Variants in VWA5A observed in about 807,000 individuals in gnomAD.
VWA5A encodes the protein von Willebrand factor A domain-containing protein 5A.
Under a neutral mutation model 84.6 loss-of-function variants are expected in VWA5A, and 77 were observed. The ratio of observed to expected loss-of-function variants is 0.91; its 90% CI spans 0.76 to 1.10. The LOEUF (loss-of-function observed/expected upper bound fraction) is 1.10, where lower values mean the gene tolerates loss of function less well. VWA5A is among the 50% of genes least tolerant of loss of function. The pLI, the probability that VWA5A is intolerant of heterozygous loss-of-function variation, is 0.00. For missense variants in VWA5A, 973 were observed against 963.0 expected (o/e 1.01, Z -0.14); for synonymous variants, 334 against 350.1 (o/e 0.95, Z 0.51).
At chr11:124,134,444 A>G (rs999828952) in intron 11 of VWA5A, among the ~76,000 whole-genome samples, 1 of 152,226 alleles carries the variant, frequency 6.6e-6, no homozygotes, top group African/African-American at 2.4e-5. Flanking sequence ...AAGGCAGGGC[A>G]AGAACTCTCC....
intron 11 of VWA5A, among the ~76,000 whole-genome samples, chr11:124,131,923 G>T (rs1235008879): frequency 1.3e-5 from 2 of 151,734 alleles, no homozygotes; most frequent in Non-Finnish European, 2.9e-5. Context: ...AACTTTGCAC[G>T]ATTAAGTATG....
Position 124,142,515 on chromosome 11 carries a change from T to A in VWA5A, c.2097T>A (p.Asp699Glu), listed in dbSNP as rs551652233. 6.2e-7 allele frequency: 1 copy of A among 1,614,188 alleles called. No homozygotes were observed. The highest frequency in any genetic ancestry group is 2.2e-5 in the East Asian group (1 of 44,878). Residue 699 changes from aspartate (D) to glutamate (E), a missense_variant, in exon 17 of 19, where the codon GAT becomes GAA. Physicochemically the swap from Asp to Glu is conservative, Grantham distance 45 (BLOSUM62 2). Coordinates refer to ENST00000456829, the MANE Select transcript of VWA5A (RefSeq NM_001130142.2). The part of the protein sequence containing the change: ...NANGSWDLNE[D>E]LAKILGMSLE... ...ATGGTTCCTGGGATCTGAATGAAGA[T>A]CTAGCCAAGATCCTAGGTATGAGTT...
At position 124,136,640 on chromosome 11, in the gene VWA5A, G is replaced by A. The variant is rs755354159; in HGVS notation, c.1591G>A (p.Val531Met). ...CCAGGGCAAGACTTTTGAGGATAAG[G>A]TGACATTTCCTCTACAACCCAAGCC... ...TLQGKTFEDKVTFPLQPKPDV... is the reference protein window; with the variant it reads ...TLQGKTFEDKMTFPLQPKPDV... Residue 531 changes from valine to methionine, a missense_variant, in exon 14 of 19, where the codon GTG (valine) becomes ATG (methionine). Physicochemically the swap from Val to Met is conservative, Grantham distance 21. Coordinates refer to ENST00000456829, the MANE Select transcript of VWA5A (RefSeq NM_001130142.2). The A allele has an allele frequency of 1.2e-6, 2 of 1,614,030 alleles. No homozygotes were observed. The highest frequency in any genetic ancestry group is 1.1e-5 in the South Asian group (1 of 91,068).
intron 11 of VWA5A, among the ~76,000 whole-genome samples, chr11:124,125,561 G>A (rs1475658810): frequency 6.6e-6 from 1 of 152,172 alleles, no homozygotes; most frequent in East Asian, 1.9e-4. Flanking sequence ...GGGATTACAG[G>A]CGTGAGCCAC....
chr11:124,136,775 TCCC>T, intron 14 of VWA5A, 101 bp downstream of exon 14: 5 of 681,630 alleles, frequency 7.3e-6, no homozygotes, highest in Non-Finnish European at 9.0e-6. Flanking sequence ...CCTCCCTCCC[TCCC>T]TCCTTCCTTC....
intron 11 of VWA5A, among the ~76,000 whole-genome samples, chr11:124,130,592 A>G (rs1291600213): frequency 6.6e-6 from 1 of 152,132 alleles, no homozygotes; most frequent in Non-Finnish European, 1.5e-5. Context: ...AAAGTCTCCC[A>G]CTATTATTGT....
rs756252701 is a variant in VWA5A, at chr11:124,136,163, T to C, written c.1394T>C (p.Val465Ala). Residue 465 changes from valine to alanine, a missense_variant, in exon 13 of 19, where the codon GTG (valine) becomes GCG (alanine). By Grantham distance (64) the Val-to-Ala change is moderately conservative. Transcript: ENST00000456829. ...ACTCTGAAACGCTCTCTGCAGCCTG[T>C]GGTAGAGGATGTCTCTCTGAGCTGG... is the stretch of plus-strand genomic sequence containing the variant. ...LRTLKRSLQP[V>A]VEDVSLSWHL... 2.9e-5 allele frequency: 47 copies of C among 1,614,210 alleles called. No homozygotes were observed. The highest frequency in any genetic ancestry group is 2.7e-4 in the African/African-American group (20 of 75,070).
rs1389589097 is a variant in VWA5A, at chr11:124,146,099, G to C, written c.*154G>C. 1.4e-6 allele frequency: 1 copy of C among 713,210 alleles called. No individual in the cohort carries two copies. The highest frequency in any genetic ancestry group is 3.0e-5 in the Admixed American group (1 of 33,028). The allele number at this position is 713,210 out of a possible 1,614,324, so 44.2% of individuals were successfully genotyped here. ...TACTCCACTTCGCTTCTCTGCTCCAGGTTCACTTTGGATATGATCTTTCTT... is the reference window on the plus strand; with the variant it reads ...TACTCCACTTCGCTTCTCTGCTCCACGTTCACTTTGGATATGATCTTTCTT... On this transcript the variant is annotated 3_prime_UTR_variant, in exon 19 of 19. Coordinates refer to ENST00000456829, the MANE Select transcript of VWA5A (RefSeq NM_001130142.2).
In VWA5A at chr11:124,135,053, G is replaced by A. The variant is rs756334225; in HGVS notation, c.1359+19G>A. Reference sequence around the variant, plus strand: ...GTCCAAGGTGAGGGACAGACTGACTGTGTCTGTCTGGAGGTGGCAATCCAG... The same window carrying A: ...GTCCAAGGTGAGGGACAGACTGACTATGTCTGTCTGGAGGTGGCAATCCAG... On this transcript the variant is annotated intron_variant, in intron 12 of 18. Coordinates refer to ENST00000456829, the MANE Select transcript of VWA5A (RefSeq NM_001130142.2). The A allele has an allele frequency of 5.0e-6, 8 of 1,596,592 alleles. No individual in the cohort carries two copies. The Admixed American group carries it at 6.7e-5, about 13-fold the overall frequency.
At chr11:124,118,090 A>G (rs1404178616) in intron 4 of VWA5A, 99 bp from the exon 5 acceptor site, 1 of 1,347,494 alleles carries the variant, frequency 7.4e-7, no homozygotes, top group Admixed American at 2.4e-5. Flanking sequence ...TGATTAGACA[A>G]GACCAATCAC....
rs779504017 is a variant in VWA5A, at chr11:124,118,579, T to G, written c.516T>G (p.Pro172=). ...SCLNVKTPIV[P]VEDLPYTLSM... ...TTAATGTGAAGACTCCTATAGTCCCTGTGGAGGACCTGCCCTACACACTCA... is the reference window on the plus strand; with the variant it reads ...TTAATGTGAAGACTCCTATAGTCCCGGTGGAGGACCTGCCCTACACACTCA... Residue 172 remains proline, a synonymous_variant, in exon 6 of 19, where the codon CCT becomes CCG. Transcript: ENST00000456829. 8 of 1,614,078 alleles carry G rather than the reference T, an allele frequency of 5.0e-6. No individual in the cohort carries two copies. Among genetic ancestry groups the G allele is most frequent in the Non-Finnish European group, 6.8e-6 (8 of 1,180,040 alleles).
At chr11:124,139,074 G>A (rs1353199237) in intron 15 of VWA5A, among the ~76,000 whole-genome samples, 2 of 152,160 alleles carry the variant, frequency 1.3e-5, no homozygotes, top group Non-Finnish European at 2.9e-5. Flanking sequence ...TCAAAAATTA[G>A]TTGGCTGTAA....
Position 124,118,332 on chromosome 11 carries a change from G to A in VWA5A, c.390G>A (p.Val130=), listed in dbSNP as rs542643434. The A allele has an allele frequency of 6.8e-6, 11 of 1,614,232 alleles. No individual in the cohort carries two copies. The highest frequency in any genetic ancestry group is 2.2e-5 in the East Asian group (1 of 44,886). Residue 130 remains valine (V), a synonymous_variant, in exon 5 of 19, where the codon GTG becomes GTA. Coordinates refer to ENST00000456829, the MANE Select transcript of VWA5A (RefSeq NM_001130142.2). ...GSKAAVTLKY[V]QELPLEADGA... ...AGGCGGCAGTCACCCTGAAGTATGT[G>A]CAGGAGCTGCCTCTGGAAGCAGATG...
intron 12 of VWA5A, 87 bp downstream of exon 12, chr11:124,135,121 G>T (rs551203608): frequency 9.1e-7 from 1 of 1,095,788 alleles, no homozygotes; most frequent in Admixed American, 2.4e-5. Flanking sequence ...AAGGGCAGGG[G>T]TAGCAACTTT....
In VWA5A at chr11:124,118,659, G is replaced by GC. The variant is rs1359748488; in HGVS notation, c.600dup (p.Ser202GlufsTer24). On this transcript the variant is annotated frameshift_variant, in exon 6 of 19. Transcript: ENST00000456829. LOFTEE classifies it high-confidence loss of function. ...GGCATTGAGAAGGTCCAATCCAACT[G>GC]CCCCTTGAGTCCTACCGAGTACCTA... 1 of 1,614,088 alleles carries GC rather than the reference G, an allele frequency of 6.2e-7. No individual in the cohort carries two copies. The highest frequency in any genetic ancestry group is 1.3e-5 in the African/African-American group (1 of 75,034).
Position 124,117,360 on chromosome 11 carries a change from T to G in VWA5A, c.-15-137T>G, listed in dbSNP as rs184331529. 3.1e-4 allele frequency: 264 copies of G among 841,026 alleles called. No homozygotes were observed. In the African/African-American group the frequency reaches 4.0e-3, roughly 13 times the overall value. The allele number at this position is 841,026 out of a possible 1,614,324, so 52.1% of individuals were successfully genotyped here. ...TGACTGAAATCTTTGTCTCCTTTTT[T>G]TTAAAGGTTCCAACTTCCTAACTCC... On this transcript the variant is annotated intron_variant, in intron 2 of 18. Coordinates refer to ENST00000456829, the MANE Select transcript of VWA5A (RefSeq NM_001130142.2).
chr11:124,141,777 T>C (rs761586924), intron 16 of VWA5A, 36 bp downstream of exon 16: 1 of 1,608,026 alleles, frequency 6.2e-7, no homozygotes, highest in South Asian at 1.1e-5. Flanking sequence ...CTCAACAATG[T>C]TTTTCTGTCA....
rs946866748 is a variant in VWA5A at position 124,135,038 on chromosome 11, A to C, written c.1359+4A>C. 1.6e-5 allele frequency: 26 copies of C among 1,610,454 alleles called. No individual in the cohort carries two copies. The highest frequency in any genetic ancestry group is 1.8e-5 in the Non-Finnish European group (21 of 1,178,142). ...CAAAGACAGGATGCAGTCCAAGGTG[A>C]GGGACAGACTGACTGTGTCTGTCTG... is the stretch of plus-strand genomic sequence containing the variant. On this transcript the variant is annotated splice_donor_region_variant and intron_variant, in intron 12 of 18. Transcript: ENST00000456829.
chr11:124,145,748 A>G, intron 18 of VWA5A, 118 bp from the exon 19 acceptor site: 1 of 1,066,970 alleles, frequency 9.4e-7, no homozygotes, highest in Non-Finnish European at 1.3e-6. Context: ...GCAAGAAAAG[A>G]AAAAGCAGGG....
Sources: gnomAD v4.1 joint callset for allele counts (sites outside exome capture counted in the v4.1 genomes callset) on GRCh38, gnomAD v4.1.1 for gene constraint, MANE v1.5 for transcripts, NCBI Gene and HGNC (gene_info 2026-07-23, HGNC 2026-07-21) for gene names.